The following HAPSTR1 variants were observed in gnomAD, a reference collection of about 807,000 sequenced individuals.
HAPSTR1 encodes the protein HUWE1-associated protein modifying stress responses 1.
chr16:9,093,421 G>A, the HAPSTR1 span, among the ~76,000 whole-genome samples: 529 of 152,310 alleles, frequency 3.5e-3, 4 homozygotes, highest in African/African-American at 0.012. Flanking sequence ...AAGACATTGA[G>A]GGAAGATAAG....
At chr16:9,093,084 C>G in the HAPSTR1 span, 1 of 1,334,386 alleles carries the variant, frequency 7.5e-7, no homozygotes, top group Admixed American at 2.0e-5. Flanking sequence ...AGTGTGTTTT[C>G]TGCTCCCCAG....
the HAPSTR1 span, among the ~76,000 whole-genome samples, chr16:9,094,375 G>A: frequency 6.6e-6 from 1 of 151,996 alleles, no homozygotes; most frequent in Non-Finnish European, 1.5e-5. Context: ...TTTTGGAATG[G>A]CTCTTGGTTT....
chr16:9,092,814 T>A, the HAPSTR1 span: 3 of 1,198,062 alleles, frequency 2.5e-6, no homozygotes, highest in Non-Finnish European at 2.4e-6. Context: ...AATATGGCCG[T>A]TCCGGAGTGA....
chr16:9,092,083 G>C, the HAPSTR1 span: 1 of 1,540,540 alleles, frequency 6.5e-7, no homozygotes. Flanking sequence ...CCGAGATCCA[G>C]GAGCACGGGC....
At chr16:9,117,708 C>T in the HAPSTR1 span, 1 of 152,396 alleles carries the variant, frequency 6.6e-6, no homozygotes, top group Non-Finnish European at 1.5e-5. Flanking sequence ...AGACTGCATT[C>T]GAGGTGACCT....
At chr16:9,116,056 G>A in the HAPSTR1 span, among the ~76,000 whole-genome samples, 5 of 152,206 alleles carry the variant, frequency 3.3e-5, no homozygotes, top group African/African-American at 1.2e-4. Flanking sequence ...GACCTTAGGT[G>A]ATCACATAGC....
At chr16:9,098,942 G>A in the HAPSTR1 span, among the ~76,000 whole-genome samples, 28 of 152,098 alleles carry the variant, frequency 1.8e-4, no homozygotes, top group African/African-American at 6.5e-4. Flanking sequence ...TAATTCACAT[G>A]AATCAATGTG....
the HAPSTR1 span, chr16:9,107,327 G>T: frequency 2.0e-5 from 3 of 152,230 alleles, no homozygotes; most frequent in Non-Finnish European, 4.4e-5. Flanking sequence ...GCAAAATATG[G>T]ATTTGGTTAA....
chr16:9,119,928 C>G, the HAPSTR1 span: 1 of 152,202 alleles, frequency 6.6e-6, no homozygotes, highest in Non-Finnish European at 1.5e-5. Flanking sequence ...ACATCCAACC[C>G]AGAGGGCTAG....
chr16:9,092,200 C>G, the HAPSTR1 span: 10 of 1,586,674 alleles, frequency 6.3e-6, no homozygotes, highest in South Asian at 3.4e-5. Context: ...CCGCGCAGCC[C>G]GAGCACAAGC....
the HAPSTR1 span, chr16:9,112,352 T>C: frequency 6.6e-6 from 1 of 152,250 alleles, no homozygotes; most frequent in South Asian, 2.1e-4. Flanking sequence ...CCACTTGGTT[T>C]AAGTTGTGAT....
chr16:9,103,231 A>G, the HAPSTR1 span: 12 of 1,614,032 alleles, frequency 7.4e-6, no homozygotes, highest in South Asian at 4.4e-5. Flanking sequence ...CTGATTTGCA[A>G]CCCTTCCGGG....
At chr16:9,113,604 A>G in the HAPSTR1 span, among the ~76,000 whole-genome samples, 3 of 152,220 alleles carry the variant, frequency 2.0e-5, no homozygotes, top group Non-Finnish European at 4.4e-5. Context: ...TTGAAATGAT[A>G]AAGGGGATCT....
At chr16:9,098,173 A>C in the HAPSTR1 span, among the ~76,000 whole-genome samples, 6,487 of 152,234 alleles carry the variant, frequency 0.043, 234 homozygotes, top group East Asian at 0.17. Flanking sequence ...TCTCTACTAA[A>C]AATAAAAGAT....
the HAPSTR1 span, among the ~76,000 whole-genome samples, chr16:9,113,670 A>G: frequency 1.3e-5 from 2 of 152,236 alleles, no homozygotes; most frequent in Non-Finnish European, 2.9e-5. Flanking sequence ...ATATTTTGCC[A>G]TAATAATTAC....
At chr16:9,115,213 T>C in the HAPSTR1 span, among the ~76,000 whole-genome samples, 46 of 152,298 alleles carry the variant, frequency 3.0e-4, no homozygotes, top group South Asian at 9.5e-3. Context: ...TGTAATAGAT[T>C]TGTGATAGGA....
At chr16:9,118,456 G>A in the HAPSTR1 span, 6 of 152,750 alleles carry the variant, frequency 3.9e-5, no homozygotes, top group South Asian at 1.2e-3. Flanking sequence ...GACTGGGTGG[G>A]ATGTGAATGG....
chr16:9,099,224 A>C, the HAPSTR1 span, among the ~76,000 whole-genome samples: 1 of 149,060 alleles, frequency 6.7e-6, no homozygotes, highest in African/African-American at 2.5e-5. Flanking sequence ...TTTGAGATGG[A>C]GTCTTGCGTG....
chr16:9,113,301 T>C, the HAPSTR1 span: 1 of 152,220 alleles, frequency 6.6e-6, no homozygotes, highest in East Asian at 1.9e-4. Context: ...ATAGATCATA[T>C]TGCACATTAA....
Sources: allele counts gnomAD v4.1 joint callset (sites outside exome capture counted in the v4.1 genomes callset), GRCh38; gene constraint gnomAD v4.1.1; transcripts MANE v1.5; gene names NCBI Gene and HGNC (gene_info 2026-07-23, HGNC 2026-07-21).